FRMD7: variants seen among roughly 807,000 people sequenced by gnomAD.
FRMD7 encodes the protein FERM domain-containing protein 7.
Under a neutral mutation model 44.1 loss-of-function variants are expected in FRMD7, and 14 were observed. That is an observed-to-expected ratio of 0.32 (90% confidence interval 0.21 to 0.50). FRMD7 has a LOEUF of 0.50. Among genes scored for constraint, FRMD7 ranks in the 20% least tolerant of loss-of-function variants. The pLI, the probability that FRMD7 is intolerant of heterozygous loss-of-function variation, is 0.99. For synonymous variants in FRMD7, 212 were observed against 187.4 expected (o/e 1.13, Z -1.07); for missense variants, 501 against 522.3 (o/e 0.96, Z 0.40).
intron 1 of FRMD7, among the ~76,000 whole-genome samples, chrX:132,109,802 AAAG>A (rs779599746): frequency 4.7e-4 from 53 of 111,958 alleles, no homozygotes; most frequent in Middle Eastern, 9.3e-3. Context: ...TAGCCAGCGG[AAAG>A]AAGAAGAGTG....
intron 1 of FRMD7, among the ~76,000 whole-genome samples, chrX:132,105,970 A>G: frequency 8.9e-6 from 1 of 112,162 alleles, no homozygotes; most frequent in Non-Finnish European, 1.9e-5. Flanking sequence ...CATGACAAAG[A>G]CACCAAAAAC....
chrX:132,124,092 G>A (rs1001232890), intron 1 of FRMD7, among the ~76,000 whole-genome samples: 2 of 111,657 alleles, frequency 1.8e-5, no homozygotes, highest in African/African-American at 6.5e-5. Context: ...GTGCATGTGT[G>A]TATATTGAAG....
intron 1 of FRMD7, among the ~76,000 whole-genome samples, chrX:132,103,602 A>G (rs6637939): frequency 0.073 from 8,097 of 111,431 alleles, 261 homozygotes; most frequent in African/African-American, 0.12. Flanking sequence ...TAACAATTGA[A>G]CACTGATTCC....
chrX:132,122,228 A>C (rs1929052155), intron 1 of FRMD7, among the ~76,000 whole-genome samples: 1 of 111,966 alleles, frequency 8.9e-6, no homozygotes, highest in Non-Finnish European at 1.9e-5. Flanking sequence ...TATCATGACA[A>C]TGATCTCATG....
chrX:132,116,529 A>G (rs900113682), intron 1 of FRMD7, among the ~76,000 whole-genome samples: 4 of 112,138 alleles, frequency 3.6e-5, no homozygotes, highest in Non-Finnish European at 7.5e-5. Flanking sequence ...GCCGTTTAAG[A>G]TATAACATGC....
chrX:132,117,456 G>A (rs1602836622), intron 1 of FRMD7, among the ~76,000 whole-genome samples: 1 of 112,207 alleles, frequency 8.9e-6, no homozygotes. Flanking sequence ...TGGCTAAATC[G>A]AGGTAACGTG....
intron 5 of FRMD7, among the ~76,000 whole-genome samples, chrX:132,086,849 G>A (rs1312777310): frequency 8.9e-6 from 1 of 111,850 alleles, no homozygotes; most frequent in Non-Finnish European, 1.9e-5. Flanking sequence ...GAATATAAAT[G>A]CCAACGACAT....
chrX:132,127,494 T>C (rs111861707), intron 1 of FRMD7, among the ~76,000 whole-genome samples: 2 of 112,296 alleles, frequency 1.8e-5, no homozygotes, highest in African/African-American at 6.5e-5. Context: ...AATACCTTAT[T>C]GGGTAAAAGA....
At chrX:132,092,423 A>C (rs781206305) in intron 5 of FRMD7, among the ~76,000 whole-genome samples, 13 of 111,838 alleles carry the variant, frequency 1.2e-4, no homozygotes, top group Non-Finnish European at 1.7e-4. Flanking sequence ...TATTAGATGA[A>C]TGGAAAATTA....
chrX:132,084,616 T>C, intron 7 of FRMD7, 31 bp from the exon 8 acceptor site: 1 of 892,361 alleles, frequency 1.1e-6, no homozygotes, highest in Non-Finnish European at 1.7e-6. Flanking sequence ...GATTTCAGAA[T>C]GTATTAACAA....
chrX:132,084,875 G>A (rs1371596005), intron 7 of FRMD7, among the ~76,000 whole-genome samples: 4 of 111,181 alleles, frequency 3.6e-5, no homozygotes, highest in African/African-American at 6.5e-5. Flanking sequence ...TTCTAATCTC[G>A]CCCCTTTCCC....
chrX:132,085,454 A>T, intron 7 of FRMD7, 127 bp downstream of exon 7: 1 of 573,590 alleles, frequency 1.7e-6, no homozygotes, highest in Non-Finnish European at 2.9e-6. Flanking sequence ...AATATGATTG[A>T]CCATTTCCCT....
chrX:132,127,498 T>C (rs1929185034), intron 1 of FRMD7, among the ~76,000 whole-genome samples: 1 of 112,371 alleles, frequency 8.9e-6, no homozygotes, highest in Non-Finnish European at 1.9e-5. Flanking sequence ...CCTTATTGGG[T>C]AAAAGAACTA....
chrX:132,098,322 T>C (rs1191237422), intron 3 of FRMD7, among the ~76,000 whole-genome samples: 1 of 112,603 alleles, frequency 8.9e-6, no homozygotes, highest in Non-Finnish European at 1.9e-5. Flanking sequence ...GAGGTAGGAA[T>C]ACGAGGTAGC....
At chrX:132,121,255 A>C (rs1191482998) in intron 1 of FRMD7, among the ~76,000 whole-genome samples, 1 of 111,970 alleles carries the variant, frequency 8.9e-6, no homozygotes, top group Admixed American at 9.5e-5. Flanking sequence ...AGGATTTTGA[A>C]GCCAGACAAA....
chrX:132,082,480 G>C lies in FRMD7; in HGVS notation c.788C>G (p.Ala263Gly). ...TLEFTMASRD[A>G]CKAFWKTCVE... Reference sequence around the variant, plus strand: ...ACAAGTCTTCCAGAAAGCCTTGCAGGCATCTCGGCTGGCCATGGTGAACTC... The same window carrying C: ...ACAAGTCTTCCAGAAAGCCTTGCAGCCATCTCGGCTGGCCATGGTGAACTC... The change falls in exon 9 of 12, where the codon GCC (alanine) becomes GGC (glycine). Residue 263 changes from alanine (A) to glycine (G), a missense_variant. Transcript: ENST00000298542. 8.3e-7 allele frequency: 1 copy of C among 1,210,002 alleles called. No homozygotes were observed. Among genetic ancestry groups the C allele is most frequent in the Non-Finnish European group, 1.1e-6 (1 of 893,673 alleles).
chrX:132,093,627 A>G (rs5930545), intron 5 of FRMD7, among the ~76,000 whole-genome samples: 7,985 of 112,494 alleles, frequency 0.071, 314 homozygotes, highest in Non-Finnish European at 0.11. Flanking sequence ...AAATCATGAT[A>G]AAGAGCAACA....
chrX:132,117,642 T>C (rs751683670), intron 1 of FRMD7, among the ~76,000 whole-genome samples: 1 of 112,094 alleles, frequency 8.9e-6, no homozygotes, highest in African/African-American at 3.2e-5. Context: ...TAATCCCACC[T>C]ATCAAGAGAC....
chrX:132,081,151 G>GC (rs1379162501), intron 9 of FRMD7, among the ~76,000 whole-genome samples: 1 of 111,656 alleles, frequency 9.0e-6, no homozygotes, highest in Non-Finnish European at 1.9e-5. Context: ...TGGCCAAGAT[G>GC]GTGAAACCCC....
Sources: allele counts gnomAD v4.1 joint callset (sites outside exome capture counted in the v4.1 genomes callset), GRCh38; gene constraint gnomAD v4.1.1; transcripts MANE v1.5; gene names NCBI Gene and HGNC (gene_info 2026-07-23, HGNC 2026-07-21).